CHCT1: variants seen among roughly 807,000 people sequenced by gnomAD.
CHCT1 encodes CHD1 helical C-terminal domain containing 1, also known as CHD1 helical C-terminal domain containing protein 1.
At chr17:60,422,518 C>A in the CHCT1 span, 90 of 1,544,232 alleles carry the variant, frequency 5.8e-5, 1 homozygote, top group Admixed American at 2.0e-5. Context: ...ACGGCTAGGT[C>A]ACAGAAGCAG....
the CHCT1 span, chr17:60,421,672 G>T: frequency 1.1e-6 from 1 of 895,666 alleles, no homozygotes; most frequent in Non-Finnish European, 1.3e-6. Flanking sequence ...CCGCGCCAGG[G>T]GCGAGGGTCC....
the CHCT1 span, chr17:60,426,610 G>A: frequency 1.5e-6 from 2 of 1,371,036 alleles, no homozygotes; most frequent in Non-Finnish European, 2.0e-6. Flanking sequence ...AAACCCCAAA[G>A]GGGCATGTGG....
chr17:60,423,981 G>A, the CHCT1 span, among the ~76,000 whole-genome samples: 1 of 152,192 alleles, frequency 6.6e-6, no homozygotes, highest in African/African-American at 2.4e-5. Context: ...CTTCTGGTGA[G>A]GGCCTCAGGA....
chr17:60,430,597 C>T, the CHCT1 span, among the ~76,000 whole-genome samples: 8 of 152,322 alleles, frequency 5.3e-5, no homozygotes, highest in East Asian at 3.9e-4. Flanking sequence ...TCTCCTGCCT[C>T]GGCCTCCTGA....
chr17:60,426,407 CT>C, the CHCT1 span: 1 of 1,409,292 alleles, frequency 7.1e-7, no homozygotes, highest in Non-Finnish European at 9.5e-7. Flanking sequence ...AAGGGGACAC[CT>C]TAGTCAATCC....
the CHCT1 span, chr17:60,431,172 C>CT: frequency 2.5e-6 from 4 of 1,579,196 alleles, no homozygotes; most frequent in Admixed American, 7.0e-5. Flanking sequence ...CTGACCTTCT[C>CT]TTTTTCAGAT....
At chr17:60,426,322 C>T in the CHCT1 span, 4 of 1,549,840 alleles carry the variant, frequency 2.6e-6, no homozygotes, top group Non-Finnish European at 3.5e-6. Context: ...CCTGGGAAAT[C>T]AAACACTGGA....
chr17:60,429,691 C>A, the CHCT1 span: 1 of 744,648 alleles, frequency 1.3e-6, no homozygotes, highest in Non-Finnish European at 2.1e-6. Context: ...TCCCTCCTTT[C>A]CATCTTCTCT....
chr17:60,425,677 G>T, the CHCT1 span: 1 of 762,692 alleles, frequency 1.3e-6, no homozygotes, highest in Non-Finnish European at 2.2e-6. Flanking sequence ...AAGGTCTGAG[G>T]GCAATGGAGA....
the CHCT1 span, chr17:60,431,198 T>G: frequency 6.2e-7 from 1 of 1,602,444 alleles, no homozygotes; most frequent in Admixed American, 1.7e-5. Flanking sequence ...AAGGGAGCTT[T>G]CTCAAAAACC....
chr17:60,421,444 G>A, the CHCT1 span: 86 of 985,534 alleles, frequency 8.7e-5, 1 homozygote, highest in Admixed American at 1.8e-3. Context: ...GGCCGACGGC[G>A]GTCCCACCGC....
At chr17:60,429,607 G>A in the CHCT1 span, 1 of 1,575,186 alleles carries the variant, frequency 6.3e-7, no homozygotes, top group East Asian at 2.3e-5. Flanking sequence ...GAGTTTGTGA[G>A]TGGTGTCTGG....
At chr17:60,422,687 G>C in the CHCT1 span, 1 of 1,509,526 alleles carries the variant, frequency 6.6e-7, no homozygotes, top group Non-Finnish European at 8.9e-7. Flanking sequence ...GGTCCCGGAG[G>C]GGCTGGTTTT....
At chr17:60,429,997 G>A in the CHCT1 span, among the ~76,000 whole-genome samples, 1 of 151,138 alleles carries the variant, frequency 6.6e-6, no homozygotes, top group East Asian at 1.9e-4. Context: ...GCTAATTTTT[G>A]TACTTTTAGT....
chr17:60,426,236 A>C, the CHCT1 span: 2 of 1,551,948 alleles, frequency 1.3e-6, no homozygotes, highest in East Asian at 4.9e-5. Context: ...CCAGAAGAAG[A>C]AGCTGAAGTA....
chr17:60,421,706 G>C, the CHCT1 span: 20 of 801,582 alleles, frequency 2.5e-5, no homozygotes, highest in Non-Finnish European at 3.0e-5. Flanking sequence ...GCACCTCCCG[G>C]CCCTGCCCGG....
the CHCT1 span, chr17:60,426,402 G>A: frequency 6.9e-7 from 1 of 1,440,774 alleles, no homozygotes; most frequent in Non-Finnish European, 9.3e-7. Context: ...CATTCAAGGG[G>A]ACACCTTAGT....
the CHCT1 span, chr17:60,422,756 G>A: frequency 3.6e-6 from 4 of 1,114,590 alleles, no homozygotes; most frequent in Non-Finnish European, 3.8e-6. Context: ...GGGTACCTGA[G>A]ATAGCAAGAG....
At chr17:60,428,590 G>A in the CHCT1 span, among the ~76,000 whole-genome samples, 4 of 150,878 alleles carry the variant, frequency 2.7e-5, no homozygotes, top group Non-Finnish European at 5.9e-5. Context: ...AGGTTCAAGC[G>A]ATTCTCTTGC....
Sources: allele counts gnomAD v4.1 joint callset (sites outside exome capture counted in the v4.1 genomes callset), GRCh38; gene constraint gnomAD v4.1.1; transcripts MANE v1.5; gene names NCBI Gene and HGNC (gene_info 2026-07-23, HGNC 2026-07-21).